Variants in CLPB observed in about 807,000 individuals in gnomAD.
CLPB encodes the protein ClpB family mitochondrial disaggregase, also known as mitochondrial disaggregase.
In CLPB, 40 loss-of-function variants were observed where a neutral mutation model predicts 78.4. The observed-to-expected ratio is 0.51, with a 90% CI of 0.40 to 0.66. The LOEUF (loss-of-function observed/expected upper bound fraction) is 0.66, where lower values mean the gene tolerates loss of function less well. CLPB is among the 30% of genes least tolerant of loss of function. CLPB has a pLI of 0.00. For missense variants in CLPB, 780 were observed against 886.9 expected (o/e 0.88, Z 1.53); for synonymous variants, 333 against 348.0 (o/e 0.96, Z 0.48).
rs778324114 is a variant in CLPB at position 72,329,798 on chromosome 11, T to C, written c.782A>G (p.Asn261Ser). ...TVKELLDGGANPLQRNEMGHT... is the reference protein window; with the variant it reads ...TVKELLDGGASPLQRNEMGHT... ...TCCCATTTCATTCCTCTGCAGGGGGTTGGCTCCTGGCAAGAGAAGAAGGAT... is the reference window on the plus strand; with the variant it reads ...TCCCATTTCATTCCTCTGCAGGGGGCTGGCTCCTGGCAAGAGAAGAAGGAT... The change falls in exon 6 of 16, where the codon AAC (asparagine) becomes AGC (serine). Residue 261 changes from asparagine (N) to serine (S), a missense_variant. Physicochemically the swap from Asn to Ser is conservative, Grantham distance 46. Coordinates refer to ENST00000538039, the MANE Select transcript of CLPB (RefSeq NM_001258392.3). The C allele has an allele frequency of 3.7e-6, 6 of 1,613,050 alleles. No homozygotes were observed. Among genetic ancestry groups the C allele is most frequent in the East Asian group, 2.2e-5 (1 of 44,838 alleles).
In CLPB at chr11:72,357,700, G is replaced by GAA. The variant is rs747456359; in HGVS notation, c.775+1178_775+1179dup. Reference sequence around the variant, plus strand: ...AACAAAAGCAAAACTCCGTGTCCCAGAAAAAAAAAAAAAAAAAAAAAAAAA... The same window carrying GAA: ...AACAAAAGCAAAACTCCGTGTCCCAGAAAAAAAAAAAAAAAAAAAAAAAAAAA... On this transcript the variant is annotated intron_variant, in intron 5 of 15. Coordinates refer to ENST00000538039, the MANE Select transcript of CLPB (RefSeq NM_001258392.3). Among the ~76,000 whole-genome samples, 365 of 43,812 alleles carry GAA rather than the reference G, an allele frequency of 8.3e-3. 6 individuals are homozygous for GAA. The highest frequency in any genetic ancestry group is 0.021 in the African/African-American group (259 of 12,468). 28.7% of individuals were successfully genotyped at this position (43,812 alleles called of 152,430 possible).
chr11:72,383,439 G>A (rs1225741122), intron 3 of CLPB, among the ~76,000 whole-genome samples: 1 of 151,468 alleles, frequency 6.6e-6, no homozygotes, highest in Non-Finnish European at 1.5e-5. Context: ...GCTGAGGCAG[G>A]AGAATGGCGT....
chr11:72,379,316 T>A (rs191544538), intron 4 of CLPB, among the ~76,000 whole-genome samples: 14 of 152,292 alleles, frequency 9.2e-5, no homozygotes, highest in Admixed American at 7.2e-4. Context: ...GCCACCCTAT[T>A]GCTGGCAATG....
chr11:72,293,130 C>G lies in CLPB; in HGVS notation c.*237G>C, dbSNP rs1949480003. 2 of 487,038 alleles carry G rather than the reference C, an allele frequency of 4.1e-6. No homozygotes were observed. Among genetic ancestry groups the G allele is most frequent in the East Asian group, 6.6e-5 (2 of 30,502 alleles). 30.2% of individuals were successfully genotyped at this position (487,038 alleles called of 1,614,324 possible). ...CTTGAAGGGGGTGGAAAGGCAGCTCCTCTCCTGAAGGCTTGTTAGCAGGTT... is the reference window on the plus strand; with the variant it reads ...CTTGAAGGGGGTGGAAAGGCAGCTCGTCTCCTGAAGGCTTGTTAGCAGGTT... On this transcript the variant is annotated 3_prime_UTR_variant, in exon 16 of 16. Coordinates refer to ENST00000538039, the MANE Select transcript of CLPB (RefSeq NM_001258392.3).
rs771690454 is a variant in CLPB at position 72,324,543 on chromosome 11, C to T, written c.873+5164G>A. 6.6e-4 allele frequency among the ~76,000 whole-genome samples: 100 copies of T among 150,884 alleles called. 1 individual carries two copies. The highest frequency in any genetic ancestry group is 6.8e-3 in the Middle Eastern group (2 of 294). On this transcript the variant is annotated intron_variant, in intron 6 of 15. Transcript: ENST00000538039. Reference sequence around the variant, plus strand: ...ACCGTGCCCTGCACTCGAGCCTGGGCGACACAGCAAGACTTCATCTCAAAA... The same window carrying T: ...ACCGTGCCCTGCACTCGAGCCTGGGTGACACAGCAAGACTTCATCTCAAAA...
At chr11:72,396,163 G>C (rs1465752130) in intron 3 of CLPB, among the ~76,000 whole-genome samples, 1 of 152,100 alleles carries the variant, frequency 6.6e-6, no homozygotes, top group African/African-American at 2.4e-5. Flanking sequence ...ATCCAGGAAG[G>C]CCTTGGCAAA....
At chr11:72,305,995 T>C (rs2135508628) in intron 9 of CLPB, among the ~76,000 whole-genome samples, 1 of 152,350 alleles carries the variant, frequency 6.6e-6, no homozygotes, top group African/African-American at 2.4e-5. Context: ...ATAGTCCTGC[T>C]AGTTTATGGC....
At chr11:72,300,778 G>C (rs922089130) in intron 11 of CLPB, among the ~76,000 whole-genome samples, 1 of 152,168 alleles carries the variant, frequency 6.6e-6, no homozygotes, top group Non-Finnish European at 1.5e-5. Flanking sequence ...TCATGGCCAG[G>C]TGCTAGCTAA....
intron 3 of CLPB, among the ~76,000 whole-genome samples, chr11:72,395,360 G>A (rs745999719): frequency 1.2e-4 from 19 of 152,048 alleles, no homozygotes; most frequent in Admixed American, 6.6e-5. Context: ...CCTTGCTCCC[G>A]GCCCCTTCCC....
intron 1 of CLPB, among the ~76,000 whole-genome samples, chr11:72,433,233 T>TA (rs1856597428): frequency 6.6e-6 from 1 of 151,990 alleles, no homozygotes. Context: ...AACAGTACTG[T>TA]AAAAATGTTG....
At chr11:72,389,477 G>C (rs1855182073) in intron 3 of CLPB, among the ~76,000 whole-genome samples, 1 of 152,188 alleles carries the variant, frequency 6.6e-6, no homozygotes, top group Non-Finnish European at 1.5e-5. Flanking sequence ...GTACCACATG[G>C]GCTGTGGTAT....
chr11:72,302,587 T>C, intron 9 of CLPB: 1 of 494,896 alleles, frequency 2.0e-6, no homozygotes, highest in Non-Finnish European at 3.7e-6. Flanking sequence ...ACCTTCTAAA[T>C]CTGACTTGGG....
chr11:72,407,685 C>G (rs1404053489), intron 2 of CLPB, among the ~76,000 whole-genome samples: 1 of 150,100 alleles, frequency 6.7e-6, no homozygotes, highest in Admixed American at 6.7e-5. Context: ...CTCGTTCTGT[C>G]GCCCAGGCTG....
intron 7 of CLPB, among the ~76,000 whole-genome samples, chr11:72,308,824 T>C (rs1174873645): frequency 1.3e-5 from 2 of 152,074 alleles, no homozygotes; most frequent in Non-Finnish European, 2.9e-5. Context: ...CCAGAGCAGA[T>C]TTCGGATAAA....
intron 6 of CLPB, among the ~76,000 whole-genome samples, chr11:72,321,912 T>C (rs1226981504): frequency 2.8e-5 from 4 of 140,606 alleles, no homozygotes; most frequent in African/African-American, 1.1e-4. Context: ...TGGTATGACA[T>C]AGAGGCCTGG....
rs78237809 is a variant in CLPB, at chr11:72,316,701, T to C, written c.988+405A>G. On this transcript the variant is annotated intron_variant, in intron 7 of 15. Transcript: ENST00000538039. The stretch of plus-strand genomic sequence containing the variant: ...AGTCCCAAGTTGACAGATGGGGACA[T>C]AAGTTCTGGCTCAGCTGCTACATTG... Among the ~76,000 whole-genome samples, 1,113 of 152,286 alleles carry C rather than the reference T, an allele frequency of 7.3e-3. 5 individuals carry two copies. The highest frequency in any genetic ancestry group is 0.01 in the Non-Finnish European group (685 of 68,028).
chr11:72,421,465 C>A (rs1363103860), intron 2 of CLPB, among the ~76,000 whole-genome samples: 1 of 152,166 alleles, frequency 6.6e-6, no homozygotes, highest in Non-Finnish European at 1.5e-5. Context: ...ACAGTGATGA[C>A]CGAAGGATGA....
intron 4 of CLPB, among the ~76,000 whole-genome samples, chr11:72,367,285 TCCCGA>T (rs1338109238): frequency 6.6e-6 from 1 of 152,194 alleles, no homozygotes; most frequent in African/African-American, 2.4e-5. Flanking sequence ...TGCCTCAGCC[TCCCGA>T]GTAGCTGGGA....
chr11:72,434,265 G>A lies in CLPB; in HGVS notation c.210C>T (p.Thr70=), dbSNP rs771413306. ...PALFSGRGAA[T]GGRQGGRFDT... Reference sequence around the variant, plus strand: ...CGAAGCGTCCTCCCTGGCGCCCCCCGGTGGCTGCCCCACGTCCGGAGAACA... The same window carrying A: ...CGAAGCGTCCTCCCTGGCGCCCCCCAGTGGCTGCCCCACGTCCGGAGAACA... Residue 70 remains threonine (T), a synonymous_variant, in exon 1 of 16, where the codon ACC becomes ACT. Transcript: ENST00000538039. 6 of 1,613,146 alleles carry A rather than the reference G, an allele frequency of 3.7e-6. No individual in the cohort carries two copies. The highest frequency in any genetic ancestry group is 1.1e-5 in the South Asian group (1 of 91,056).
Sources: gnomAD v4.1 joint callset for allele counts (sites outside exome capture counted in the v4.1 genomes callset) on GRCh38, gnomAD v4.1.1 for gene constraint, MANE v1.5 for transcripts, NCBI Gene and HGNC (gene_info 2026-07-23, HGNC 2026-07-21) for gene names.